The following LARGE1 variants were observed in gnomAD, a reference collection of about 807,000 sequenced individuals.
LARGE1 encodes the protein xylosyl- and glucuronyltransferase LARGE1.
LARGE1 carries 43 observed loss-of-function variants against 87.6 expected under a neutral mutation model. That is an observed-to-expected ratio of 0.49 (90% CI 0.38 to 0.63). LARGE1 has a LOEUF of 0.63. Ranked by LOEUF, LARGE1 falls within the 30% of genes least tolerant of loss-of-function variation. The pLI, the probability that LARGE1 is intolerant of heterozygous loss-of-function variation, is 0.00. For synonymous variants in LARGE1, 434 were observed against 394.6 expected (o/e 1.10, Z -1.18); for missense variants, 802 against 1,000.2 (o/e 0.80, Z 2.67).
intron 7 of LARGE1, among the ~76,000 whole-genome samples, chr22:33,389,745 T>A (rs1161675168): frequency 6.6e-6 from 1 of 152,064 alleles, no homozygotes; most frequent in Admixed American, 6.5e-5. Flanking sequence ...CTTGGGAGGC[T>A]GAGGCAGGAG....
intron 11 of LARGE1, among the ~76,000 whole-genome samples, chr22:33,177,154 C>T (rs367653065): frequency 2.6e-5 from 4 of 151,960 alleles, no homozygotes; most frequent in Admixed American, 6.6e-5. Context: ...CTGGGCCTGT[C>T]GGGGCTGGGG....
In LARGE1 at chr22:33,676,004, C is replaced by CTTT. The variant is rs67419753; in HGVS notation, c.107-25339_107-25337dup. On this transcript the variant is annotated intron_variant, in intron 2 of 14. Transcript: ENST00000397394. ...ACCTCTTATAAAGCCTGGAGGTTTT[C>CTTT]TTTTTTTTTTTAAGTACTTATTTAA... 3.8e-3 allele frequency among the ~76,000 whole-genome samples: 572 copies of CTTT among 148,744 alleles called. 5 individuals carry two copies. Among genetic ancestry groups the CTTT allele is most frequent in the African/African-American group, 0.014 (555 of 40,662 alleles).
intron 6 of LARGE1, among the ~76,000 whole-genome samples, chr22:33,527,948 A>C (rs768000430): frequency 6.6e-6 from 1 of 152,116 alleles, no homozygotes; most frequent in East Asian, 1.9e-4. Flanking sequence ...AACAGATCTT[A>C]ATCTTTCAGG....
chr22:33,841,465 A>C (rs1160798532), intron 1 of LARGE1, among the ~76,000 whole-genome samples: 1 of 152,080 alleles, frequency 6.6e-6, no homozygotes, highest in Non-Finnish European at 1.5e-5. Flanking sequence ...CGGACTTCAT[A>C]CTCAGATGCC....
At chr22:33,104,058 T>C in the LARGE1 span, among the ~76,000 whole-genome samples, 2 of 152,204 alleles carry the variant, frequency 1.3e-5, no homozygotes, top group Non-Finnish European at 2.9e-5. Context: ...GGTATGTCTT[T>C]ATCAGCAGAG....
chr22:33,599,977 A>G (rs2079072985), intron 5 of LARGE1, among the ~76,000 whole-genome samples: 1 of 152,098 alleles, frequency 6.6e-6, no homozygotes, highest in South Asian at 2.1e-4. Flanking sequence ...TGCTCTTAGG[A>G]GGTGGGCTGG....
At chr22:33,258,035 T>A (rs1047939263) in intron 11 of LARGE1, among the ~76,000 whole-genome samples, 1 of 152,034 alleles carries the variant, frequency 6.6e-6, no homozygotes, top group Non-Finnish European at 1.5e-5. Flanking sequence ...AATGTATATA[T>A]ATTTTTTTGA....
exon 12 of LARGE1, chr22:33,166,751 C>T (rs976345244): frequency 1.9e-5 from 9 of 471,234 alleles, no homozygotes; most frequent in East Asian, 6.9e-5. Context: ...AGGAAGCCAA[C>T]GCCGAGGACA....
chr22:33,756,691 G>A lies in LARGE1; in HGVS notation c.106+4680C>T, dbSNP rs1430463832. 4.6e-5 allele frequency among the ~76,000 whole-genome samples: 7 copies of A among 152,318 alleles called. No individual in the cohort carries two copies. In the East Asian group the frequency reaches 1.4e-3, roughly 29 times the overall value. Reference sequence around the variant, plus strand: ...CGAGGCAGTATGGTGGGGATTAGGGGATGGGCCAGAGGGGCTGACAAGGAG... The same window carrying A: ...CGAGGCAGTATGGTGGGGATTAGGGAATGGGCCAGAGGGGCTGACAAGGAG... On this transcript the variant is annotated intron_variant, in intron 2 of 14. Transcript: ENST00000397394.
At chr22:33,298,911 A>AAGAGAGAG in intron 12 of LARGE1, among the ~76,000 whole-genome samples, 1 of 151,376 alleles carries the variant, frequency 6.6e-6, no homozygotes, top group East Asian at 1.9e-4. Flanking sequence ...GAAAAAAGGA[A>AAGAGAGAG]AGAGAGAGAG....
intron 1 of LARGE1, among the ~76,000 whole-genome samples, chr22:33,904,438 G>A (rs2065376439): frequency 6.6e-6 from 1 of 152,202 alleles, no homozygotes; most frequent in African/African-American, 2.4e-5. Context: ...ACAGGTATGA[G>A]CCACCGCGCC....
At chr22:33,554,021 T>C (rs142200391) in intron 6 of LARGE1, among the ~76,000 whole-genome samples, 3 of 152,222 alleles carry the variant, frequency 2.0e-5, no homozygotes, top group Non-Finnish European at 2.9e-5. Flanking sequence ...ACCCAGGGCA[T>C]GGCTGACTTT....
At chr22:33,402,152 G>A (rs1007257056) in intron 7 of LARGE1, among the ~76,000 whole-genome samples, 2 of 152,202 alleles carry the variant, frequency 1.3e-5, no homozygotes, top group African/African-American at 4.8e-5. Flanking sequence ...CATACAGCTG[G>A]TGAGTGGCAG....
intron 6 of LARGE1, among the ~76,000 whole-genome samples, chr22:33,502,185 G>A (rs35080567): frequency 0.42 from 52,291 of 123,864 alleles, 9,404 homozygotes; most frequent in East Asian, 0.53. Flanking sequence ...GGCAGAGTGA[G>A]ACCCCATCTT....
intron 11 of LARGE1, among the ~76,000 whole-genome samples, chr22:33,257,756 G>T (rs1035505013): frequency 7.2e-5 from 11 of 152,170 alleles, no homozygotes; most frequent in African/African-American, 2.4e-4. Flanking sequence ...TTTGGGAAGA[G>T]AATCTACATT....
At chr22:33,215,805 GATTAGCC>G (rs1925175722) in intron 11 of LARGE1, among the ~76,000 whole-genome samples, 2 of 152,036 alleles carry the variant, frequency 1.3e-5, no homozygotes, top group Non-Finnish European at 2.9e-5. Flanking sequence ...AAAATACAAA[GATTAGCC>G]AGGTGTGGTG....
chr22:33,695,994 T>C (rs2082232426), intron 2 of LARGE1, among the ~76,000 whole-genome samples: 1 of 152,214 alleles, frequency 6.6e-6, no homozygotes, highest in Non-Finnish European at 1.5e-5. Flanking sequence ...TATATACTCT[T>C]TGGGTAAGCT....
the LARGE1 span, among the ~76,000 whole-genome samples, chr22:33,152,634 A>G: frequency 6.6e-6 from 1 of 152,098 alleles, no homozygotes. Flanking sequence ...GTATATATTT[A>G]TGGGGTACAT....
At chr22:33,766,924 AT>A (rs2084922210) in intron 1 of LARGE1, among the ~76,000 whole-genome samples, 1 of 7,438 alleles carries the variant, frequency 1.3e-4, no homozygotes, top group East Asian at 3.2e-3. Flanking sequence ...ATATATATAT[AT>A]ATATATATAT....
Sources: allele counts gnomAD v4.1 joint callset (sites outside exome capture counted in the v4.1 genomes callset), GRCh38; gene constraint gnomAD v4.1.1; transcripts MANE v1.5; gene names NCBI Gene and HGNC (gene_info 2026-07-23, HGNC 2026-07-21).